Variants in NCEH1 observed in about 807,000 individuals in gnomAD.
The protein encoded by NCEH1 is 2-acetyl MAGE hydrolase.
A neutral mutation model predicts 25.4 loss-of-function variants in NCEH1; 9 were observed. The observed-to-expected ratio is 0.35, with a 90% CI of 0.21 to 0.62. NCEH1 has a LOEUF of 0.62. Among genes scored for constraint, NCEH1 ranks in the 20% least tolerant of loss-of-function variants. The probability of loss-of-function intolerance (pLI) is 0.72; values close to 1 mark genes in which losing one functional copy is unlikely to be tolerated. For missense variants in NCEH1, 412 were observed against 501.1 expected (o/e 0.82, Z 1.70); for synonymous variants, 200 against 199.8 (o/e 1.00, Z -0.01).
At chr3:172,660,020 A>G (rs1717897618) in intron 1 of NCEH1, among the ~76,000 whole-genome samples, 1 of 151,624 alleles carries the variant, frequency 6.6e-6, no homozygotes, top group Non-Finnish European at 1.5e-5. Context: ...TCTAGGGTAC[A>G]TGTGCACAAC....
intron 1 of NCEH1, among the ~76,000 whole-genome samples, chr3:172,666,028 T>C (rs1006356050): frequency 6.6e-6 from 1 of 152,130 alleles, no homozygotes; most frequent in Non-Finnish European, 1.5e-5. Flanking sequence ...ACCCAGTGCC[T>C]CAGTTGGAAA....
At chr3:172,636,959 T>C (rs1275060302) in intron 3 of NCEH1, among the ~76,000 whole-genome samples, 1 of 152,174 alleles carries the variant, frequency 6.6e-6, no homozygotes, top group Non-Finnish European at 1.5e-5. Context: ...ACTGGAGGGT[T>C]TGGCCTCCTC....
At chr3:172,675,107 C>A (rs1177243888) in intron 1 of NCEH1, among the ~76,000 whole-genome samples, 1 of 152,032 alleles carries the variant, frequency 6.6e-6, no homozygotes, top group East Asian at 1.9e-4. Context: ...ATCAGGAGTT[C>A]GAGACCAGCC....
intron 1 of NCEH1, among the ~76,000 whole-genome samples, chr3:172,665,046 T>G (rs1018827473): frequency 2.0e-5 from 3 of 151,696 alleles, no homozygotes. Context: ...GGCACTCTGA[T>G]TTTTAGAATT....
chr3:172,649,983 C>T (rs1577059621), intron 1 of NCEH1, among the ~76,000 whole-genome samples: 1 of 152,194 alleles, frequency 6.6e-6, no homozygotes, highest in Non-Finnish European at 1.5e-5. Context: ...CTTTATATGA[C>T]AGATATGAGA....
rs868484470 is a variant in NCEH1 at position 172,665,485 on chromosome 3, C to T, written c.139-17371G>A. 2.8e-3 allele frequency among the ~76,000 whole-genome samples: 421 copies of T among 152,300 alleles called. 1 individual carries two copies. The highest frequency in any genetic ancestry group is 9.6e-3 in the African/African-American group (398 of 41,552). On this transcript the variant is annotated intron_variant, in intron 1 of 4. Coordinates refer to ENST00000475381, the MANE Select transcript of NCEH1 (RefSeq NM_020792.6). ...TCTGTCCGTTCTCAGATCTCAAACTCCATGCTGGGACAACCACTACTCTCT... is the reference window on the plus strand; with the variant it reads ...TCTGTCCGTTCTCAGATCTCAAACTTCATGCTGGGACAACCACTACTCTCT...
At chr3:172,703,581 A>G (rs1713821429) in intron 1 of NCEH1, among the ~76,000 whole-genome samples, 1 of 151,616 alleles carries the variant, frequency 6.6e-6, no homozygotes, top group Admixed American at 6.6e-5. Context: ...CTATTTTAAA[A>G]GAAGCAATTG....
chr3:172,666,674 A>G (rs1718222475), intron 1 of NCEH1, among the ~76,000 whole-genome samples: 1 of 152,214 alleles, frequency 6.6e-6, no homozygotes, highest in East Asian at 1.9e-4. Flanking sequence ...GAATTCATTC[A>G]TCGGAGCGGT....
intron 2 of NCEH1, among the ~76,000 whole-genome samples, chr3:172,647,305 A>C (rs967023816): frequency 2.0e-5 from 3 of 152,206 alleles, no homozygotes; most frequent in African/African-American, 7.2e-5. Context: ...GCCATTTTGA[A>C]TGTGTTCTAC....
At chr3:172,693,825 G>A (rs1249148951) in intron 1 of NCEH1, among the ~76,000 whole-genome samples, 2 of 152,222 alleles carry the variant, frequency 1.3e-5, no homozygotes, top group Non-Finnish European at 2.9e-5. Context: ...AGAACCAAAT[G>A]TGGCACATGG....
intron 3 of NCEH1, among the ~76,000 whole-genome samples, chr3:172,641,858 A>T (rs369205938): frequency 6.6e-6 from 1 of 152,286 alleles, no homozygotes; most frequent in East Asian, 1.9e-4. Flanking sequence ...TCATCCAAAC[A>T]TCACTTTCTT....
At chr3:172,641,112 TA>T (rs1243990992) in intron 3 of NCEH1, among the ~76,000 whole-genome samples, 2 of 151,850 alleles carry the variant, frequency 1.3e-5, no homozygotes, top group Non-Finnish European at 2.9e-5. Flanking sequence ...AATAAATAAA[TA>T]AAAAATACAT....
At chr3:172,701,448 C>CGTTTTTTTTTTTTTTTT (rs1184829037) in intron 1 of NCEH1, among the ~76,000 whole-genome samples, 1 of 65,514 alleles carries the variant, frequency 1.5e-5, no homozygotes, top group African/African-American at 1.3e-4. Context: ...TGGTCTTTTG[C>CGTTTTTTTTTTTTTTTT]CTTTTTTTTT....
At chr3:172,657,018 TCCC>T (rs1164089341) in intron 1 of NCEH1, among the ~76,000 whole-genome samples, 1 of 151,800 alleles carries the variant, frequency 6.6e-6, no homozygotes, top group Non-Finnish European at 1.5e-5. Flanking sequence ...CATCCCCCAC[TCCC>T]CCCATTTTTA....
rs541095173 is a variant in NCEH1 at position 172,633,499 on chromosome 3, G to C, written c.1203C>G (p.Ile401Met). 1 of 1,614,028 alleles carries C rather than the reference G, an allele frequency of 6.2e-7. No homozygotes were observed. The highest frequency in any genetic ancestry group is 2.2e-5 in the East Asian group (1 of 44,876). Residue 401 changes from isoleucine (I) to methionine (M), a missense_variant, in exon 5 of 5, where the codon ATC (isoleucine) becomes ATG (methionine). By Grantham distance (10) the Ile-to-Met change is conservative (BLOSUM62 1). Around this residue, in one of 3 missense-constraint regions of NCEH1, gnomAD observed 210 missense variants for 258.2 expected, o/e 0.81. Coordinates refer to ENST00000475381, the MANE Select transcript of NCEH1 (RefSeq NM_020792.6). ...SVGIRTRNSYIKWLDQNL is the reference protein window; with the variant it reads ...SVGIRTRNSYMKWLDQNL Reference sequence around the variant, plus strand: ...TTTACAGGTTTTGATCTAGCCACTTGATGTAACTATTCCTAGTCCGGATTC... The same window carrying C: ...TTTACAGGTTTTGATCTAGCCACTTCATGTAACTATTCCTAGTCCGGATTC...
At chr3:172,639,759 C>G (rs1193012931) in intron 3 of NCEH1, among the ~76,000 whole-genome samples, 2 of 152,144 alleles carry the variant, frequency 1.3e-5, no homozygotes, top group Non-Finnish European at 2.9e-5. Flanking sequence ...ATCAGAAGAA[C>G]AAAATTTGGT....
chr3:172,689,107 C>T (rs1712874002), intron 1 of NCEH1, among the ~76,000 whole-genome samples: 1 of 152,134 alleles, frequency 6.6e-6, no homozygotes, highest in African/African-American at 2.4e-5. Context: ...TTGCCTGAAG[C>T]TGAATTTGAT....
intron 1 of NCEH1, among the ~76,000 whole-genome samples, chr3:172,691,779 C>G (rs1371301805): frequency 3.3e-5 from 5 of 152,248 alleles, no homozygotes; most frequent in Non-Finnish European, 5.9e-5. Context: ...GAAACTCCAT[C>G]TCTACTAAAA....
At chr3:172,640,297 T>A (rs1160061755) in intron 3 of NCEH1, among the ~76,000 whole-genome samples, 1 of 152,180 alleles carries the variant, frequency 6.6e-6, no homozygotes, top group Non-Finnish European at 1.5e-5. Context: ...CATAAAAGAG[T>A]TAATATTCCC....
Sources: gnomAD v4.1 joint callset for allele counts (sites outside exome capture counted in the v4.1 genomes callset) on GRCh38, gnomAD v4.1.1 for gene constraint, gnomAD v4.1.1 regional missense constraint, MANE v1.5 for transcripts, NCBI Gene and HGNC (gene_info 2026-07-23, HGNC 2026-07-21) for gene names.